Variants in GALNT13 observed in about 807,000 individuals in gnomAD.
GALNT13 encodes polypeptide N-acetylgalactosaminyltransferase 13.
In GALNT13, 28 loss-of-function variants were observed where a neutral mutation model predicts 64.2. The observed-to-expected ratio is 0.44, with a 90% CI of 0.32 to 0.60. The LOEUF is 0.60. Ranked by LOEUF, GALNT13 falls within the 20% of genes least tolerant of loss-of-function variation. The probability of loss-of-function intolerance (pLI) is 0.05; values close to 1 mark genes in which losing one functional copy is unlikely to be tolerated. For synonymous variants in GALNT13, 214 were observed against 224.6 expected (o/e 0.95, Z 0.42); for missense variants, 577 against 669.8 (o/e 0.86, Z 1.53).
At chr2:154,382,687 A>G (rs1232757480) in intron 9 of GALNT13, among the ~76,000 whole-genome samples, 1 of 151,984 alleles carries the variant, frequency 6.6e-6, no homozygotes, top group Admixed American at 6.6e-5. Flanking sequence ...ACTCATTTAT[A>G]GTAGTTTAGG....
intron 9 of GALNT13, among the ~76,000 whole-genome samples, chr2:154,319,099 C>T (rs62172264): frequency 0.15 from 22,633 of 151,998 alleles, 1,954 homozygotes; most frequent in Middle Eastern, 0.24. Context: ...AAAAACTCAA[C>T]GGAAACCACA....
the GALNT13 span, among the ~76,000 whole-genome samples, chr2:153,156,564 C>A: frequency 2.6e-5 from 4 of 152,026 alleles, no homozygotes; most frequent in African/African-American, 9.7e-5. Context: ...CTGATTATTG[C>A]CATCAGACAC....
chr2:153,992,931 C>G (rs1695257827), intron 3 of GALNT13, among the ~76,000 whole-genome samples: 1 of 152,030 alleles, frequency 6.6e-6, no homozygotes, highest in Admixed American at 6.6e-5. Context: ...ATCTAATACC[C>G]AATTTTCTTT....
chr2:153,956,871 G>A (rs947427211), intron 3 of GALNT13, among the ~76,000 whole-genome samples: 4 of 152,042 alleles, frequency 2.6e-5, no homozygotes, highest in Non-Finnish European at 5.9e-5. Context: ...CACTATTTAA[G>A]CATCTATTCC....
the GALNT13 span, among the ~76,000 whole-genome samples, chr2:153,234,855 G>A: frequency 6.6e-6 from 1 of 152,108 alleles, no homozygotes; most frequent in South Asian, 2.1e-4. Flanking sequence ...GTCTGAGCCA[G>A]GCATATAAGG....
chr2:153,264,189 C>T, the GALNT13 span, among the ~76,000 whole-genome samples: 1 of 152,162 alleles, frequency 6.6e-6, no homozygotes, highest in African/African-American at 2.4e-5. Context: ...ATATGAAAAG[C>T]TCAACATCAC....
chr2:153,523,041 C>CTGTTT, the GALNT13 span, among the ~76,000 whole-genome samples: 20 of 74,768 alleles, frequency 2.7e-4, no homozygotes, highest in African/African-American at 1.5e-3. Flanking sequence ...TCTGTGTTTA[C>CTGTTT]TATTTTTTTT....
At chr2:153,636,215 A>G in the GALNT13 span, among the ~76,000 whole-genome samples, 8 of 152,148 alleles carry the variant, frequency 5.3e-5, no homozygotes, top group East Asian at 1.5e-3. Flanking sequence ...TTGAAGGGGA[A>G]AATAGTTTAA....
chr2:153,481,592 T>C, the GALNT13 span, among the ~76,000 whole-genome samples: 2 of 152,220 alleles, frequency 1.3e-5, no homozygotes, highest in Admixed American at 1.3e-4. Context: ...TGTCCTCTTC[T>C]ACTTCATTGG....
At chr2:153,780,216 T>G in the GALNT13 span, among the ~76,000 whole-genome samples, 47 of 1,268 alleles carry the variant, frequency 0.037, no homozygotes, top group Non-Finnish European at 0.18. Context: ...AATTTGAAGA[T>G]ATATATATAT....
chr2:153,254,766 T>G, the GALNT13 span, among the ~76,000 whole-genome samples: 1 of 152,214 alleles, frequency 6.6e-6, no homozygotes, highest in Non-Finnish European at 1.5e-5. Context: ...AGTTTCCATG[T>G]AGTTGAGTGG....
chr2:153,881,040 G>T (rs879945091), intron 1 of GALNT13, among the ~76,000 whole-genome samples: 2 of 152,170 alleles, frequency 1.3e-5, no homozygotes, highest in African/African-American at 2.4e-5. Context: ...ATAGGTAAGA[G>T]ACACTATAGC....
At chr2:153,215,923 A>T in the GALNT13 span, among the ~76,000 whole-genome samples, 1 of 152,154 alleles carries the variant, frequency 6.6e-6, no homozygotes, top group East Asian at 1.9e-4. Flanking sequence ...TTTACACAAC[A>T]GTCATAATAT....
At chr2:154,007,334 C>A (rs1696325367) in intron 3 of GALNT13, among the ~76,000 whole-genome samples, 1 of 149,604 alleles carries the variant, frequency 6.7e-6, no homozygotes, top group Non-Finnish European at 1.5e-5. Flanking sequence ...AGGAGCAAGG[C>A]CTGGCCAACA....
the GALNT13 span, among the ~76,000 whole-genome samples, chr2:153,312,261 G>C: frequency 6.6e-6 from 1 of 152,204 alleles, no homozygotes; most frequent in Non-Finnish European, 1.5e-5. Context: ...GAAGAATGTA[G>C]ACTGGGCTAC....
At chr2:153,085,252 G>GTAAAAGTTTGGAAAATTTGC in the GALNT13 span, among the ~76,000 whole-genome samples, 7 of 152,146 alleles carry the variant, frequency 4.6e-5, no homozygotes, top group Admixed American at 2.0e-4. Flanking sequence ...GACAATGAGC[G>GTAAAAGTTTGGAAAATTTGC]AGAAAAGAAA....
At chr2:154,437,342 G>C in intron 11 of GALNT13, 1 of 250,342 alleles carries the variant, frequency 4.0e-6, no homozygotes, top group East Asian at 1.6e-4. Context: ...ACTCTTCCAA[G>C]ACTAACTCGT....
chr2:154,080,047 G>A (rs1337374307), intron 3 of GALNT13, among the ~76,000 whole-genome samples: 2 of 151,242 alleles, frequency 1.3e-5, no homozygotes, highest in Non-Finnish European at 3.0e-5. Flanking sequence ...GGGCTTTTTT[G>A]TTGAATTTTA....
chr2:154,249,948 A>G (rs1689983356), intron 7 of GALNT13, among the ~76,000 whole-genome samples: 1 of 152,106 alleles, frequency 6.6e-6, no homozygotes, highest in African/African-American at 2.4e-5. Flanking sequence ...ATTGTATTTT[A>G]TTGTGAAAAA....
Sources: gnomAD v4.1 joint callset for allele counts (sites outside exome capture counted in the v4.1 genomes callset) on GRCh38, gnomAD v4.1.1 for gene constraint, MANE v1.5 for transcripts, NCBI Gene and HGNC (gene_info 2026-07-23, HGNC 2026-07-21) for gene names.